The following CECR2 variants were observed in gnomAD, a reference collection of about 807,000 sequenced individuals.
The protein encoded by CECR2 is CECR2 histone acetyl-lysine reader.
A neutral mutation model predicts 154.5 loss-of-function variants in CECR2; 30 were observed. The observed-to-expected ratio is 0.19, with a 90% CI of 0.15 to 0.26. CECR2 has a LOEUF of 0.26. CECR2 is among the 10% of genes least tolerant of loss of function. The pLI is 1.00. For missense variants in CECR2, 1,743 were observed against 1,829.3 expected (o/e 0.95, Z 0.86); for synonymous variants, 725 against 683.7 (o/e 1.06, Z -0.94).
chr22:17,408,528 C>CA (rs1161771820), intron 1 of CECR2, among the ~76,000 whole-genome samples: 1 of 152,112 alleles, frequency 6.6e-6, no homozygotes, highest in East Asian at 1.9e-4. Flanking sequence ...TTTTGTTGGA[C>CA]ATCCGTAACA....
chr22:17,527,291 C>CTACAAAAAA (rs1330221792), intron 9 of CECR2, among the ~76,000 whole-genome samples: 1 of 151,886 alleles, frequency 6.6e-6, no homozygotes, highest in Non-Finnish European at 1.5e-5. Context: ...AACCCCATCT[C>CTACAAAAAA]TACAAAAAAT....
intron 1 of CECR2, among the ~76,000 whole-genome samples, chr22:17,388,758 A>G (rs1402357633): frequency 1.3e-5 from 2 of 152,082 alleles, no homozygotes; most frequent in East Asian, 3.9e-4. Context: ...TCCTTTTATC[A>G]TTTTTCCACT....
At chr22:17,478,429 C>T (rs971422704) in intron 2 of CECR2, among the ~76,000 whole-genome samples, 4 of 147,938 alleles carry the variant, frequency 2.7e-5, no homozygotes, top group Non-Finnish European at 4.4e-5. Context: ...AATCCCGGCT[C>T]ACTGCAAGCT....
intron 1 of CECR2, among the ~76,000 whole-genome samples, chr22:17,392,247 C>T (rs989888125): frequency 5.9e-5 from 9 of 151,968 alleles, no homozygotes; most frequent in East Asian, 3.9e-4. Context: ...ATAGTAAGAC[C>T]GTGTCTCAAC....
intron 1 of CECR2, among the ~76,000 whole-genome samples, chr22:17,459,952 G>C (rs540427703): frequency 2.6e-5 from 4 of 152,204 alleles, no homozygotes; most frequent in South Asian, 4.1e-4. Context: ...TAGCAGCTTA[G>C]TATGTGCTGT....
intron 1 of CECR2, among the ~76,000 whole-genome samples, chr22:17,451,190 C>T (rs533192370): frequency 6.6e-6 from 1 of 152,354 alleles, no homozygotes; most frequent in African/African-American, 2.4e-5. Flanking sequence ...TTGAGGCTGG[C>T]AGCCTAGGGG....
chr22:17,394,916 C>G (rs530634683), intron 1 of CECR2, among the ~76,000 whole-genome samples: 2 of 152,136 alleles, frequency 1.3e-5, no homozygotes, highest in African/African-American at 4.8e-5. Flanking sequence ...ATTTCATTTT[C>G]AGATTGTTCA....
chr22:17,366,541 G>C (rs1313091348), upstream of CECR2, among the ~76,000 whole-genome samples: 1 of 152,112 alleles, frequency 6.6e-6, no homozygotes, highest in African/African-American at 2.4e-5. Flanking sequence ...TGAAAGAATG[G>C]GCCAGGCTGG....
intron 2 of CECR2, among the ~76,000 whole-genome samples, chr22:17,480,107 CTTTAA>C (rs2055281263): frequency 6.6e-6 from 1 of 152,054 alleles, no homozygotes; most frequent in South Asian, 2.1e-4. Context: ...CTGTATCTGT[CTTTAA>C]TTTGCAGAGT....
In CECR2 at chr22:17,552,147, G is replaced by A. The variant is rs538159662; in HGVS notation, c.4389+5G>A. Reference sequence around the variant, plus strand: ...CCAACACTTCCCCTGGATCAGGTAAGGATCACTAAAAATTAGAGCTGTTCT... The same window carrying A: ...CCAACACTTCCCCTGGATCAGGTAAAGATCACTAAAAATTAGAGCTGTTCT... On this transcript the variant is annotated splice_donor_5th_base_variant and intron_variant, in intron 18 of 18. Transcript: ENST00000262608. 6 of 1,612,170 alleles carry A rather than the reference G, an allele frequency of 3.7e-6. No individual in the cohort carries two copies. The highest frequency in any genetic ancestry group is 2.2e-5 in the South Asian group (2 of 91,050).
chr22:17,426,507 C>T (rs1179668483), intron 1 of CECR2, among the ~76,000 whole-genome samples: 1 of 152,216 alleles, frequency 6.6e-6, no homozygotes, highest in Non-Finnish European at 1.5e-5. Flanking sequence ...CAGGCATGCA[C>T]CACCACGCCC....
rs1255113103 is a variant in CECR2, at chr22:17,404,465, T to C, written c.126+34556T>C. ...CTCGGCTCACTGCAAGCTCCGCCTC[T>C]CGGGTTCACGCCATTCTCCTGCCTC... On this transcript the variant is annotated intron_variant, in intron 1 of 18. Transcript: ENST00000262608. 1.5e-4 allele frequency among the ~76,000 whole-genome samples: 17 copies of C among 114,010 alleles called. 1 individual carries two copies. The highest frequency in any genetic ancestry group is 5.8e-4 in the South Asian group (2 of 3,442). The allele number at this position is 114,010 out of a possible 152,430, so 74.8% of individuals were successfully genotyped here.
At chr22:17,411,427 A>T (rs2054066768) in intron 1 of CECR2, among the ~76,000 whole-genome samples, 1 of 152,196 alleles carries the variant, frequency 6.6e-6, no homozygotes, top group African/African-American at 2.4e-5. Context: ...AGTGTGAAAG[A>T]TCCATCTGGG....
At chr22:17,480,206 T>C (rs573396393) in intron 2 of CECR2, among the ~76,000 whole-genome samples, 342 of 152,272 alleles carry the variant, frequency 2.2e-3, no homozygotes, top group African/African-American at 8.0e-3. Context: ...GTGTTAATAC[T>C]GATGTCTGCT....
At chr22:17,506,728 C>G (rs866952458) in intron 7 of CECR2, among the ~76,000 whole-genome samples, 2 of 152,008 alleles carry the variant, frequency 1.3e-5, no homozygotes, top group African/African-American at 4.8e-5. Flanking sequence ...ATCTTGGCCC[C>G]CCGCAGCCTC....
Position 17,553,174 on chromosome 22 carries a change from G to A in CECR2, c.*334G>A. On this transcript the variant is annotated 3_prime_UTR_variant, in exon 19 of 19. Transcript: ENST00000262608. ...AATCACTTTAAACTTGGGGGAGGGG[G>A]TATACTCAAGAATGGAGTGGTGCTT... The A allele has an allele frequency of 3.8e-6, 1 of 260,706 alleles. No individual in the cohort carries two copies. Among genetic ancestry groups the A allele is most frequent in the Non-Finnish European group, 7.1e-6 (1 of 141,258 alleles). 16.1% of individuals were successfully genotyped at this position (260,706 alleles called of 1,614,324 possible).
intron 1 of CECR2, among the ~76,000 whole-genome samples, chr22:17,425,852 G>A (rs1463678633): frequency 6.6e-6 from 1 of 152,174 alleles, no homozygotes; most frequent in African/African-American, 2.4e-5. Context: ...GGCCATAAAA[G>A]CGATGTTAAA....
At chr22:17,398,875 G>A (rs771402637) in intron 1 of CECR2, among the ~76,000 whole-genome samples, 5 of 152,178 alleles carry the variant, frequency 3.3e-5, no homozygotes, top group Non-Finnish European at 7.3e-5. Flanking sequence ...GCTCAGGGAG[G>A]CTTAGTATAG....
At chr22:17,391,174 A>C (rs1288237399) in intron 1 of CECR2, among the ~76,000 whole-genome samples, 1 of 152,238 alleles carries the variant, frequency 6.6e-6, no homozygotes, top group Non-Finnish European at 1.5e-5. Flanking sequence ...TAGGAAAATT[A>C]ACAGTAATTC....
Sources: allele counts gnomAD v4.1 joint callset (sites outside exome capture counted in the v4.1 genomes callset), GRCh38; gene constraint gnomAD v4.1.1; transcripts MANE v1.5; gene names NCBI Gene and HGNC (gene_info 2026-07-23, HGNC 2026-07-21).